Variants in EXOC1 observed in about 807,000 individuals in gnomAD.
EXOC1 encodes exocyst complex component 1, also known as SEC3-like 1.
EXOC1 carries 67 observed loss-of-function variants against 107.7 expected under a neutral mutation model. The ratio of observed to expected loss-of-function variants is 0.62; its 90% CI spans 0.51 to 0.76. The LOEUF is 0.76. Ranked by LOEUF, EXOC1 falls within the 30% of genes least tolerant of loss-of-function variation. EXOC1 has a pLI of 0.00. For missense variants in EXOC1, 833 were observed against 1,055.7 expected (o/e 0.79, Z 2.92); for synonymous variants, 348 against 353.5 (o/e 0.98, Z 0.17).
intron 1 of EXOC1, 32 bp from the exon 2 acceptor site, chr4:55,858,282 T>G (rs1721175309): frequency 6.5e-7 from 1 of 1,539,306 alleles, no homozygotes; most frequent in African/African-American, 1.4e-5. Flanking sequence ...ATGTTGAGGG[T>G]GAGCTTAATA....
intron 11 of EXOC1, 147 bp from the exon 12 acceptor site, chr4:55,890,076 C>T: frequency 1.5e-6 from 1 of 685,926 alleles, no homozygotes; most frequent in Non-Finnish European, 2.4e-6. Flanking sequence ...GAAACTATAC[C>T]ACCTATCCCT....
intron 13 of EXOC1, among the ~76,000 whole-genome samples, chr4:55,892,379 C>T (rs1380217665): frequency 1.3e-5 from 2 of 152,124 alleles, no homozygotes; most frequent in African/African-American, 4.8e-5. Flanking sequence ...CTCCCTACTT[C>T]CCCTCAGGTG....
At chr4:55,878,161 A>G (rs1723069024) in intron 9 of EXOC1, 95 bp downstream of exon 9, 1 of 1,368,568 alleles carries the variant, frequency 7.3e-7, no homozygotes, top group Non-Finnish European at 1.0e-6. Context: ...AAAATACTGT[A>G]GTACATTCTT....
chr4:55,896,645 AT>A, intron 15 of EXOC1, 71 bp from the exon 16 acceptor site: 1 of 1,237,848 alleles, frequency 8.1e-7, no homozygotes, highest in Non-Finnish European at 1.1e-6. Context: ...CCATCTATAT[AT>A]TTTGTTATGA....
chr4:55,904,263 T>A, intron 18 of EXOC1, 80 bp from the exon 19 acceptor site: 2 of 1,360,314 alleles, frequency 1.5e-6, no homozygotes, highest in Non-Finnish European at 2.0e-6. Context: ...ATTCTTAGAA[T>A]ATGCCTTGGC....
At chr4:55,871,258 A>G in intron 7 of EXOC1, 25 bp downstream of exon 7, 1 of 1,595,154 alleles carries the variant, frequency 6.3e-7, no homozygotes, top group Non-Finnish European at 8.6e-7. Context: ...AATGACAAAA[A>G]TGTGACCAAG....
chr4:55,893,535 G>A lies in EXOC1; in HGVS notation c.1725-17G>A. 1 of 1,605,662 alleles carries A rather than the reference G, an allele frequency of 6.2e-7. No homozygotes were observed. ...AGCTTGTTATAACTTTATACTTCTT[G>A]TCTGTTTTCTGAACAGGAAAGATAT... On this transcript the variant is annotated splice_polypyrimidine_tract_variant and intron_variant, in intron 14 of 18. Transcript: ENST00000381295.
intron 3 of EXOC1, among the ~76,000 whole-genome samples, chr4:55,862,206 A>T (rs923786569): frequency 3.9e-5 from 6 of 152,224 alleles, no homozygotes; most frequent in Admixed American, 3.9e-4. Context: ...TTTTCCCTTC[A>T]GTAGTTTTGC....
Position 55,879,153 on chromosome 4 carries a change from G to A in EXOC1, c.1224+1087G>A, listed in dbSNP as rs181165650. On this transcript the variant is annotated intron_variant, in intron 9 of 18. Transcript: ENST00000381295. ...AGTAAATGAATTGAGCACCTATTACGTGCTAACACTTGTAAGCACTTAGAG... is the reference window on the plus strand; with the variant it reads ...AGTAAATGAATTGAGCACCTATTACATGCTAACACTTGTAAGCACTTAGAG... 8.3e-4 allele frequency among the ~76,000 whole-genome samples: 126 copies of A among 152,256 alleles called. 1 individual carries two copies. Among genetic ancestry groups the A allele is most frequent in the African/African-American group, 2.8e-3 (118 of 41,546 alleles).
At chr4:55,865,855 G>T (rs1200490737) in intron 4 of EXOC1, among the ~76,000 whole-genome samples, 4 of 151,852 alleles carry the variant, frequency 2.6e-5, no homozygotes, top group Non-Finnish European at 5.9e-5. Flanking sequence ...AATTTTTCAG[G>T]CCATAAAACA....
chr4:55,883,819 T>G lies in EXOC1; in HGVS notation c.1225-4T>G. 6.5e-7 allele frequency: 1 copy of G among 1,542,112 alleles called. No individual in the cohort carries two copies. The highest frequency in any genetic ancestry group is 8.8e-7 in the Non-Finnish European group (1 of 1,138,508). On this transcript the variant is annotated splice_polypyrimidine_tract_variant and splice_region_variant and intron_variant, in intron 9 of 18. Transcript: ENST00000381295. ...TAAGAAGTACATGTTACTTTTATTT[T>G]AAGAATTACATGGATTATTTATCCC...
intron 10 of EXOC1, 191 bp from the exon 11 acceptor site, chr4:55,888,695 TTC>T: frequency 1.8e-6 from 1 of 555,526 alleles, no homozygotes; most frequent in East Asian, 3.0e-5. Flanking sequence ...GTAAAGTTTT[TTC>T]TCTCATATAA....
chr4:55,903,290 T>C (rs544181775), intron 18 of EXOC1, among the ~76,000 whole-genome samples: 1 of 152,186 alleles, frequency 6.6e-6, no homozygotes, highest in East Asian at 1.9e-4. Context: ...ATTAGGCCAT[T>C]ATTCTTTATA....
intron 17 of EXOC1, among the ~76,000 whole-genome samples, chr4:55,900,159 CAAT>C (rs1472762169): frequency 1.3e-5 from 2 of 152,054 alleles, no homozygotes; most frequent in Non-Finnish European, 2.9e-5. Flanking sequence ...TTCTTATAAA[CAAT>C]GATGTGTAAG....
At chr4:55,856,560 T>A (rs1720986369) in intron 1 of EXOC1, among the ~76,000 whole-genome samples, 1 of 151,258 alleles carries the variant, frequency 6.6e-6, no homozygotes, top group Non-Finnish European at 1.5e-5. Context: ...AAAAATACGT[T>A]GTAAATCATT....
chr4:55,896,600 C>T, intron 15 of EXOC1, 117 bp from the exon 16 acceptor site: 1 of 756,880 alleles, frequency 1.3e-6, no homozygotes, highest in East Asian at 3.2e-5. Flanking sequence ...ACATAATATC[C>T]TGCCTCTATG....
intron 18 of EXOC1, among the ~76,000 whole-genome samples, chr4:55,903,709 T>C (rs919408926): frequency 1.3e-5 from 2 of 152,164 alleles, no homozygotes; most frequent in South Asian, 2.1e-4. Flanking sequence ...AGAGTAAGCT[T>C]CAATTAATGT....
intron 18 of EXOC1, 35 bp downstream of exon 18, chr4:55,902,573 A>C (rs374384760): frequency 1.4e-6 from 2 of 1,415,812 alleles, no homozygotes; most frequent in African/African-American, 3.0e-5. Context: ...TGACTTAAAG[A>C]TCCTTACATA....
At chr4:55,858,954 A>T (rs1237853053) in intron 2 of EXOC1, among the ~76,000 whole-genome samples, 1 of 152,190 alleles carries the variant, frequency 6.6e-6, no homozygotes, top group Non-Finnish European at 1.5e-5. Flanking sequence ...GTCTTAAAAG[A>T]TCCTTCCCTG....
Sources: gnomAD v4.1 joint callset for allele counts (sites outside exome capture counted in the v4.1 genomes callset) on GRCh38, gnomAD v4.1.1 for gene constraint, MANE v1.5 for transcripts, NCBI Gene and HGNC (gene_info 2026-07-23, HGNC 2026-07-21) for gene names.